Variants in EBF1 observed in about 807,000 individuals in gnomAD.
The protein encoded by EBF1 is EBF transcription factor 1.
Under a neutral mutation model 68.4 loss-of-function variants are expected in EBF1, and 10 were observed. The observed-to-expected ratio is 0.15, with a 90% CI of 0.09 to 0.25. EBF1 has a LOEUF of 0.25. EBF1 is among the 10% of genes least tolerant of loss of function. The probability of loss-of-function intolerance (pLI) is 1.00; values close to 1 mark genes in which losing one functional copy is unlikely to be tolerated. For missense variants in EBF1, 509 were observed against 794.4 expected, an observed-to-expected ratio of 0.64 and a Z score of 4.32; for synonymous variants, 298 against 299.8, an observed-to-expected ratio of 0.99 and a Z score of 0.06.
intron 6 of EBF1, among the ~76,000 whole-genome samples, chr5:158,878,720 T>G (rs1210558289): frequency 6.6e-6 from 1 of 150,498 alleles, no homozygotes; most frequent in African/African-American, 2.4e-5. Flanking sequence ...CTCAGCTCAC[T>G]GCAACCTCCG....
At chr5:158,837,064 C>T (rs964459622) in intron 7 of EBF1, among the ~76,000 whole-genome samples, 2 of 152,190 alleles carry the variant, frequency 1.3e-5, no homozygotes, top group African/African-American at 2.4e-5. Context: ...CCAGTAAGAG[C>T]TTGTCAGCGG....
In EBF1 at chr5:159,041,872, C is replaced by T. The variant is rs1209208835; in HGVS notation, c.554+31524G>A. On this transcript the variant is annotated intron_variant, in intron 6 of 15. Transcript: ENST00000313708. ...TGCTTATGATTGACACTGTCATGTC[C>T]GTGTGTTGCAGAGACTTAAAGGCCA... 2.6e-5 allele frequency among the ~76,000 whole-genome samples: 4 copies of T among 152,094 alleles called. No individual in the cohort carries two copies. The East Asian group carries it at 7.7e-4, about 29-fold the overall frequency.
chr5:159,081,706 C>T (rs1248891062), intron 5 of EBF1, among the ~76,000 whole-genome samples: 2 of 152,234 alleles, frequency 1.3e-5, no homozygotes, highest in African/African-American at 4.8e-5. Context: ...AGAGGTCTTT[C>T]TTAAACAGAG....
intron 8 of EBF1, among the ~76,000 whole-genome samples, chr5:158,820,032 A>C (rs938696732): frequency 6.6e-6 from 1 of 152,084 alleles, no homozygotes; most frequent in Non-Finnish European, 1.5e-5. Flanking sequence ...CATGAATGTA[A>C]AGCACGATCT....
intron 15 of EBF1, among the ~76,000 whole-genome samples, chr5:158,705,639 G>A (rs960914121): frequency 6.6e-6 from 1 of 152,202 alleles, no homozygotes; most frequent in Admixed American, 6.5e-5. Flanking sequence ...GACTTAAACA[G>A]GCACATACCC....
At chr5:158,712,757 T>C (rs972110757) in intron 13 of EBF1, among the ~76,000 whole-genome samples, 1 of 152,228 alleles carries the variant, frequency 6.6e-6, no homozygotes, top group Non-Finnish European at 1.5e-5. Flanking sequence ...TGTAGAGAGA[T>C]GGCTAAATGC....
intron 6 of EBF1, among the ~76,000 whole-genome samples, chr5:158,933,611 A>G (rs1238869142): frequency 2.0e-5 from 3 of 152,228 alleles, no homozygotes; most frequent in African/African-American, 7.2e-5. Flanking sequence ...CTGAGAACAG[A>G]GAGACCAGGA....
chr5:158,997,206 G>A (rs972420447), intron 6 of EBF1, among the ~76,000 whole-genome samples: 1 of 152,106 alleles, frequency 6.6e-6, no homozygotes. Flanking sequence ...CAAGAACGCT[G>A]AGCAACATCT....
intron 6 of EBF1, among the ~76,000 whole-genome samples, chr5:158,954,841 T>G (rs60599715): frequency 0.12 from 18,646 of 152,210 alleles, 1,261 homozygotes; most frequent in African/African-American, 0.16. Context: ...GCACTAATGC[T>G]TCATGTGAAT....
At chr5:158,739,642 T>C (rs1304080868) in intron 10 of EBF1, among the ~76,000 whole-genome samples, 1 of 152,236 alleles carries the variant, frequency 6.6e-6, no homozygotes, top group African/African-American at 2.4e-5. Flanking sequence ...GTTTAAATAT[T>C]GGAGACCAAC....
chr5:158,847,479 T>A (rs948379506), intron 6 of EBF1, among the ~76,000 whole-genome samples: 5 of 152,164 alleles, frequency 3.3e-5, no homozygotes, highest in Admixed American at 2.6e-4. Context: ...GGCTGTAGCT[T>A]AACACTGACT....
At chr5:158,764,644 G>C (rs142215588) in intron 10 of EBF1, among the ~76,000 whole-genome samples, 3 of 152,236 alleles carry the variant, frequency 2.0e-5, no homozygotes, top group Middle Eastern at 3.4e-3. Flanking sequence ...TGGTGATAGC[G>C]CTGTCAATAA....
At position 158,714,153 on chromosome 5, in the gene EBF1, C is replaced by G. The variant is rs773452840; in HGVS notation, c.1155G>C (p.Leu385=). The G allele has an allele frequency of 2.5e-6, 4 of 1,614,110 alleles. No individual in the cohort carries two copies. The highest frequency in any genetic ancestry group is 1.3e-5 in the African/African-American group (1 of 74,928). Reference sequence around the variant, plus strand: ...GTGGCATCCCATACAGTGCTTCTACCAGATCCGCAGCCCTTTTGAGTATTA... The same window carrying G: ...GTGGCATCCCATACAGTGCTTCTACGAGATCCGCAGCCCTTTTGAGTATTA... ...KEVILKRAAD[L]VEALYGMPHN... The change falls in exon 12 of 16, where the codon CTG becomes CTC. Residue 385 remains leucine (L), a synonymous_variant. Coordinates refer to ENST00000313708, the MANE Select transcript of EBF1 (RefSeq NM_024007.5).
chr5:158,933,554 ATTGT>A (rs1419839933), intron 6 of EBF1, among the ~76,000 whole-genome samples: 3 of 152,318 alleles, frequency 2.0e-5, no homozygotes, highest in South Asian at 2.1e-4. Flanking sequence ...GGGTTCACTG[ATTGT>A]TTGTTTGAAT....
At chr5:158,833,236 T>C (rs1037894568) in intron 7 of EBF1, among the ~76,000 whole-genome samples, 16 of 150,636 alleles carry the variant, frequency 1.1e-4, no homozygotes, top group Non-Finnish European at 4.4e-5. Context: ...AACCCAGAGG[T>C]TGCAGTGAGC....
chr5:158,830,035 C>T (rs918380003), intron 7 of EBF1, among the ~76,000 whole-genome samples: 2 of 152,124 alleles, frequency 1.3e-5, no homozygotes, highest in Non-Finnish European at 2.9e-5. Flanking sequence ...TTAATAAATG[C>T]AATTTGATTG....
chr5:158,827,311 C>T (rs758353408), intron 7 of EBF1, among the ~76,000 whole-genome samples: 16 of 152,242 alleles, frequency 1.1e-4, no homozygotes, highest in East Asian at 1.9e-4. Flanking sequence ...TCAACACAAA[C>T]GTACAATTTT....
At chr5:158,969,904 G>GAAAGAA (rs1554093887) in intron 6 of EBF1, among the ~76,000 whole-genome samples, 1 of 105,632 alleles carries the variant, frequency 9.5e-6, no homozygotes, top group Non-Finnish European at 2.0e-5. Flanking sequence ...AAGAAAGAAA[G>GAAAGAA]AAAGAAAGAA....
At chr5:159,080,725 G>A (rs547249351) in intron 5 of EBF1, among the ~76,000 whole-genome samples, 2 of 152,114 alleles carry the variant, frequency 1.3e-5, no homozygotes, top group African/African-American at 4.8e-5. Flanking sequence ...GGTGATTATT[G>A]CATTTAATCT....
Sources: allele counts gnomAD v4.1 joint callset (sites outside exome capture counted in the v4.1 genomes callset), GRCh38; gene constraint gnomAD v4.1.1; transcripts MANE v1.5; gene names NCBI Gene and HGNC (gene_info 2026-07-23, HGNC 2026-07-21).